The following SPINDOC variants were observed in gnomAD, a reference collection of about 807,000 sequenced individuals.
SPINDOC encodes the protein spindlin interactor and repressor of chromatin-binding protein.
In SPINDOC, 13 loss-of-function variants were observed where a neutral mutation model predicts 30.7. The ratio of observed to expected loss-of-function variants is 0.42; its 90% CI spans 0.28 to 0.67. The LOEUF (loss-of-function observed/expected upper bound fraction) is 0.67, where lower values mean the gene tolerates loss of function less well. SPINDOC is among the 30% of genes least tolerant of loss of function. The pLI is 0.22. For missense variants in SPINDOC, 438 were observed against 518.0 expected, an observed-to-expected ratio of 0.85 and a Z score of 1.50; for synonymous variants, 228 against 211.4, an observed-to-expected ratio of 1.08 and a Z score of -0.68.
At chr11:63,821,135 C>T (rs1372963780) in intron 5 of SPINDOC, among the ~76,000 whole-genome samples, 1 of 152,160 alleles carries the variant, frequency 6.6e-6, no homozygotes, top group Non-Finnish European at 1.5e-5. Flanking sequence ...TAAAATCAAG[C>T]TGTTGGCAGG....
chr11:63,825,680 A>G (rs867307158), intron 5 of SPINDOC, among the ~76,000 whole-genome samples: 3 of 152,232 alleles, frequency 2.0e-5, no homozygotes, highest in African/African-American at 4.8e-5. Context: ...CAGGGAGCCT[A>G]TAGTTTATCA....
At chr11:63,826,721 G>T (rs974900548) in intron 5 of SPINDOC, among the ~76,000 whole-genome samples, 3 of 152,198 alleles carry the variant, frequency 2.0e-5, no homozygotes, top group Non-Finnish European at 2.9e-5. Flanking sequence ...GAGGCTGTGC[G>T]CCTCATTTTC....
chr11:63,815,102 C>T (rs1278518943), intron 1 of SPINDOC, among the ~76,000 whole-genome samples: 2 of 152,128 alleles, frequency 1.3e-5, no homozygotes, highest in Non-Finnish European at 2.9e-5. Context: ...TGTTGGGTGG[C>T]AATAAATGGT....
intron 5 of SPINDOC, among the ~76,000 whole-genome samples, chr11:63,825,082 G>A (rs989719808): frequency 1.3e-5 from 2 of 152,156 alleles, no homozygotes; most frequent in East Asian, 3.8e-4. Context: ...AGCTTTGCCC[G>A]CTATGCTCTG....
At chr11:63,817,256 G>C (rs932881680) in intron 1 of SPINDOC, among the ~76,000 whole-genome samples, 1 of 152,116 alleles carries the variant, frequency 6.6e-6, no homozygotes, top group Non-Finnish European at 1.5e-5. Flanking sequence ...TGAAGCAGGA[G>C]GATCGCTTGA....
At chr11:63,825,234 G>A (rs146842435) in intron 5 of SPINDOC, among the ~76,000 whole-genome samples, 180 of 152,224 alleles carry the variant, frequency 1.2e-3, no homozygotes, top group African/African-American at 4.2e-3. Flanking sequence ...GCTCCCCACA[G>A]GCTCCTGACC....
chr11:63,822,940 G>C, intron 5 of SPINDOC: 1 of 1,234,506 alleles, frequency 8.1e-7, no homozygotes, highest in Non-Finnish European at 1.1e-6. Flanking sequence ...CAGGCTGCTT[G>C]AGTGATCTGA....
rs1450181031 is a variant in SPINDOC, at chr11:63,821,711, G to T, written c.934+2709G>T. 2.0e-5 allele frequency among the ~76,000 whole-genome samples: 3 copies of T among 152,186 alleles called. No individual in the cohort carries two copies. The East Asian group carries it at 5.8e-4, about 29-fold the overall frequency. On this transcript the variant is annotated intron_variant, in intron 5 of 5. Transcript: ENST00000294244. ...GCCATAGAATGATGGCCAACGAGGT[G>T]GCTGGAGGCTCTCCTGAGAGTAGGG...
rs201677326 is a variant in SPINDOC, at chr11:63,827,076, C to G, written c.1083C>G (p.Pro361=). ...GAGCAGGTGACACCTCAGACTGGCC[C>G]ACAGTTCTGTCAGAATCCAGCACCA... ...RVGAGDTSDW[P]TVLSESSTTV... Residue 361 remains proline, a synonymous_variant, in exon 6 of 6, where the codon CCC becomes CCG. Transcript: ENST00000294244. The G allele has an allele frequency of 5.0e-6, 8 of 1,610,876 alleles. No individual in the cohort carries two copies. Among genetic ancestry groups the G allele is most frequent in the Admixed American group, 1.7e-5 (1 of 59,888 alleles).
At chr11:63,815,162 A>C (rs2015305893) in intron 1 of SPINDOC, among the ~76,000 whole-genome samples, 2 of 152,240 alleles carry the variant, frequency 1.3e-5, no homozygotes, top group Non-Finnish European at 2.9e-5. Context: ...ATGGGTATTT[A>C]ATTGAATATA....
At chr11:63,824,832 C>T (rs2015613802) in intron 5 of SPINDOC, among the ~76,000 whole-genome samples, 1 of 152,116 alleles carries the variant, frequency 6.6e-6, no homozygotes, top group Non-Finnish European at 1.5e-5. Context: ...TGCACCCTAC[C>T]CCTAGACTCC....
intron 1 of SPINDOC, among the ~76,000 whole-genome samples, chr11:63,816,684 A>G (rs567667401): frequency 6.6e-6 from 1 of 152,274 alleles, no homozygotes; most frequent in South Asian, 2.1e-4. Flanking sequence ...CACTTCGTAA[A>G]AGCACTGAGC....
chr11:63,815,227 A>C (rs926542947), intron 1 of SPINDOC, among the ~76,000 whole-genome samples: 1 of 152,252 alleles, frequency 6.6e-6, no homozygotes, highest in Non-Finnish European at 1.5e-5. Flanking sequence ...ACAGACCCGA[A>C]GGAAGTGAGG....
chr11:63,823,077 G>C, intron 5 of SPINDOC: 1 of 1,208,416 alleles, frequency 8.3e-7, no homozygotes, highest in African/African-American at 1.6e-5. Context: ...CCCGAGGGAG[G>C]CACCCTGGGA....
chr11:63,821,491 C>T (rs2015520350), intron 5 of SPINDOC, among the ~76,000 whole-genome samples: 2 of 152,304 alleles, frequency 1.3e-5, no homozygotes, highest in East Asian at 1.9e-4. Flanking sequence ...GCCAACCACA[C>T]ATGACCCAGC....
chr11:63,818,971 A>C lies in SPINDOC; in HGVS notation c.903A>C (p.Gly301=). The C allele has an allele frequency of 6.2e-7, 1 of 1,614,038 alleles. No homozygotes were observed. The highest frequency in any genetic ancestry group is 8.5e-7 in the Non-Finnish European group (1 of 1,180,020). Residue 301 remains glycine (G), a synonymous_variant, in exon 5 of 6, where the codon GGA becomes GGC. Coordinates refer to ENST00000294244, the MANE Select transcript of SPINDOC (RefSeq NM_138471.3). This position sits in a 1 kb window ranked among gnomAD's most constrained non-coding sequence, Gnocchi z 5.3. ...DSPKDREVAE[G]GLPRAESPSP... is the part of the protein sequence containing the mutation. ...CCAAAGACAGGGAAGTGGCAGAAGG[A>C]GGCCTTCCCCGGGCGGAGAGCCCCT...
intron 1 of SPINDOC, among the ~76,000 whole-genome samples, chr11:63,815,644 A>G (rs771588582): frequency 2.7e-4 from 41 of 152,304 alleles, no homozygotes; most frequent in Non-Finnish European, 5.1e-4. Context: ...AACTCCAGTG[A>G]TGGCAGGTTG....
intron 5 of SPINDOC, chr11:63,822,927 C>A (rs1336206654): frequency 6.4e-6 from 8 of 1,259,542 alleles, no homozygotes; most frequent in Non-Finnish European, 8.3e-6. Context: ...GAAGGGGCTT[C>A]AGCAGGCTGC....
At chr11:63,817,664 T>C in intron 1 of SPINDOC, 141 bp from the exon 2 acceptor site, 1 of 764,750 alleles carries the variant, frequency 1.3e-6, no homozygotes, top group Middle Eastern at 3.8e-4. Context: ...CCTCATGGGC[T>C]CCAGGGGAAG....
Sources: allele counts gnomAD v4.1 joint callset (sites outside exome capture counted in the v4.1 genomes callset), GRCh38; gene constraint gnomAD v4.1.1; non-coding constraint Gnocchi (gnomAD v3.1); transcripts MANE v1.5; gene names NCBI Gene and HGNC (gene_info 2026-07-23, HGNC 2026-07-21).